SLC49A3: variants seen among roughly 807,000 people sequenced by gnomAD.
SLC49A3 encodes solute carrier family 49 member A3.
A neutral mutation model predicts 43.8 loss-of-function variants in SLC49A3; 50 were observed. The ratio of observed to expected loss-of-function variants is 1.14; its 90% CI spans 0.91 to 1.45. The LOEUF is 1.45. Among genes scored for constraint, SLC49A3 ranks in the 40% most tolerant of loss-of-function variants. SLC49A3 has a pLI of 0.00. For synonymous variants in SLC49A3, 413 were observed against 352.0 expected, an observed-to-expected ratio of 1.17 and a Z score of -1.94; for missense variants, 906 against 774.1, an observed-to-expected ratio of 1.17 and a Z score of -2.02.
Position 682,809 on chromosome 4 carries a change from C to T in SLC49A3, c.1233G>A (p.Gln411=), listed in dbSNP as rs1740065597. 6.3e-7 allele frequency: 1 copy of T among 1,599,996 alleles called. No homozygotes were observed. Among genetic ancestry groups the T allele is most frequent in the Non-Finnish European group, 8.5e-7 (1 of 1,171,548 alleles). The change falls in exon 9 of 10, where the codon CAG becomes CAA. Residue 411 remains glutamine, a synonymous_variant. Transcript: ENST00000322224. ...RRSEPSLSTC[Q]QGEDPLDWTV... is the part of the protein sequence containing the mutation. The stretch of plus-strand genomic sequence containing the variant: ...TCCAGTCAAGTGGATCCTCCCCCTG[C>T]TGGCAGGTGGACAAGGACGGCTCCG...
downstream of SLC49A3, among the ~76,000 whole-genome samples, chr4:681,496 C>T (rs886503432): frequency 4.7e-5 from 7 of 150,272 alleles, no homozygotes; most frequent in Non-Finnish European, 1.0e-4. Flanking sequence ...CCGGGCCACC[C>T]CTCAGGACCC....
At chr4:683,785 G>A (rs1011785031) in intron 6 of SLC49A3, 24 bp from the exon 7 acceptor site, 3 of 1,545,312 alleles carry the variant, frequency 1.9e-6, no homozygotes, top group African/African-American at 2.7e-5. Flanking sequence ...GAAGAGGCCA[G>A]GGCCCCAAGA....
chr4:686,873 C>G (rs1317079975), intron 1 of SLC49A3, among the ~76,000 whole-genome samples, 183 bp from the exon 2 acceptor site: 1 of 152,200 alleles, frequency 6.6e-6, no homozygotes, highest in African/African-American at 2.4e-5. Flanking sequence ...AGGGCGGGCA[C>G]CCAGCGCAGG....
In SLC49A3 at chr4:682,182, T is replaced by G. The variant is rs1245310670; in HGVS notation, c.1456A>C (p.Thr486Pro). 1 of 1,358,510 alleles carries G rather than the reference T, an allele frequency of 7.4e-7. No individual in the cohort carries two copies. The highest frequency in any genetic ancestry group is 3.2e-5 in the Admixed American group (1 of 31,320). The allele number at this position is 1,358,510 out of a possible 1,614,324, so 84.2% of individuals were successfully genotyped here. ...AGRAGVLGPS[T>P]ATPECTARGA... ...CTCGCCGTGCACTCCGGAGTCGCCG[T>G]GCTGGGCCCCAGGACCCCAGCCCTT... is the stretch of plus-strand genomic sequence containing the variant. Residue 486 changes from threonine (T) to proline (P), a missense_variant, in exon 10 of 10, where the codon ACG becomes CCG. Coordinates refer to ENST00000322224, the MANE Select transcript of SLC49A3 (RefSeq NM_032219.4).
downstream of SLC49A3, chr4:680,538 G>T: frequency 6.2e-7 from 1 of 1,613,564 alleles, no homozygotes; most frequent in Non-Finnish European, 8.5e-7. Context: ...CATTCTTAAC[G>T]CCTTCAAGAT....
In SLC49A3 at chr4:683,830, A is replaced by G. The variant is rs567663127; in HGVS notation, c.841-69T>C. 1,187 of 1,505,924 alleles carry G rather than the reference A, an allele frequency of 7.9e-4. 2 individuals are homozygous for G. The highest frequency in any genetic ancestry group is 9.8e-4 in the Non-Finnish European group (1,101 of 1,125,352). The allele number at this position is 1,505,924 out of a possible 1,614,324, so 93.3% of individuals were successfully genotyped here. ...TATCCTAGGTGCATGCCGTCAGGGC[A>G]GGGGGCTCAGTGTAGGGCCGTGTGC... On this transcript the variant is annotated intron_variant, in intron 6 of 9. Coordinates refer to ENST00000322224, the MANE Select transcript of SLC49A3 (RefSeq NM_032219.4).
chr4:683,936 T>A (rs1407593429), intron 6 of SLC49A3, among the ~76,000 whole-genome samples, 175 bp from the exon 7 acceptor site: 1 of 151,730 alleles, frequency 6.6e-6, no homozygotes, highest in Non-Finnish European at 1.5e-5. Flanking sequence ...CTGCCTTGTG[T>A]TTCCCACCCC....
At position 685,020 on chromosome 4, in the gene SLC49A3, G is replaced by A. The variant is rs1232352582; in HGVS notation, c.586-164C>T. 2 of 972,962 alleles carry A rather than the reference G, an allele frequency of 2.1e-6. No individual in the cohort carries two copies. Among genetic ancestry groups the A allele is most frequent in the East Asian group, 2.8e-5 (1 of 35,774 alleles). 60.3% of individuals were successfully genotyped at this position (972,962 alleles called of 1,614,324 possible). A position where few individuals can be genotyped will look rare whatever the true frequency, so the allele number is the denominator to read the frequency against. ...CCCTTTGCGAGGCCCAGGCTGGGAG[G>A]GGCCTGCTCCAGGGGCTCATGGGGA... On this transcript the variant is annotated intron_variant, in intron 4 of 9. Coordinates refer to ENST00000322224, the MANE Select transcript of SLC49A3 (RefSeq NM_032219.4). This position sits in a 1 kb window ranked among gnomAD's most constrained non-coding sequence, Gnocchi z 4.3.
rs200030801 is a variant in SLC49A3, at chr4:682,101, G to C, written c.1537C>G (p.Arg513Gly). The C allele has an allele frequency of 1.5e-6, 2 of 1,375,660 alleles. No individual in the cohort carries two copies. The highest frequency in any genetic ancestry group is 1.9e-6 in the Non-Finnish European group (2 of 1,053,218). 85.2% of individuals were successfully genotyped at this position (1,375,660 alleles called of 1,614,324 possible). Residue 513 changes from arginine (R) to glycine (G), a missense_variant, in exon 10 of 10, where the codon CGA becomes GGA. Transcript: ENST00000322224. The part of the protein sequence containing the change: ...GPGSPHPACH[R>G]ATPRAQGPAA... Reference sequence around the variant, plus strand: ...GGGCCTTGCGCACGGGGAGTCGCTCGGTGGCAGGCTGGGTGGGGGCTCCCG... The same window carrying C: ...GGGCCTTGCGCACGGGGAGTCGCTCCGTGGCAGGCTGGGTGGGGGCTCCCG...
At chr4:691,495 T>C (rs953561134), upstream of SLC49A3, among the ~76,000 whole-genome samples, 2 of 142,770 alleles carry the variant, frequency 1.4e-5, no homozygotes, top group African/African-American at 5.3e-5. Flanking sequence ...CAGGAGGCTA[T>C]ATAAGGTGGG....
chr4:678,134 T>C, downstream of SLC49A3: 3 of 1,560,064 alleles, frequency 1.9e-6, no homozygotes, highest in South Asian at 3.5e-5. Flanking sequence ...TGCTTGCGTG[T>C]GAATGCAGGT....
chr4:682,082 T>A lies in SLC49A3; in HGVS notation c.1556A>T (p.Gln519Leu). Residue 519 changes from glutamine to leucine, a missense_variant, in exon 10 of 10, where the codon CAA becomes CTA. Coordinates refer to ENST00000322224, the MANE Select transcript of SLC49A3 (RefSeq NM_032219.4). ...PACHRATPRA[Q>L]GPAATDAPSR... The stretch of plus-strand genomic sequence containing the variant: ...GGGCGCGTCGGTGGCTGCTGGGCCT[T>A]GCGCACGGGGAGTCGCTCGGTGGCA... 2.1e-6 allele frequency: 3 copies of A among 1,401,204 alleles called. No individual in the cohort carries two copies. The highest frequency in any genetic ancestry group is 2.8e-6 in the Non-Finnish European group (3 of 1,066,290). The allele number at this position is 1,401,204 out of a possible 1,614,324, so 86.8% of individuals were successfully genotyped here.
Position 682,740 on chromosome 4 carries a change from C to T in SLC49A3, c.1261+41G>A, listed in dbSNP as rs774262397. ...TCCCAGGGAATCTTCACATGGGGCT[C>T]ACCTGTCCTGTTCCCTGGGGACTCC... On this transcript the variant is annotated intron_variant, in intron 9 of 9. Transcript: ENST00000322224. 1.1e-5 allele frequency: 16 copies of T among 1,465,204 alleles called. No homozygotes were observed. In the Admixed American group the frequency reaches 1.4e-4, roughly 13 times the overall value. 90.8% of individuals were successfully genotyped at this position (1,465,204 alleles called of 1,614,324 possible).
chr4:682,664 C>G, intron 9 of SLC49A3, 117 bp downstream of exon 9: 2 of 800,326 alleles, frequency 2.5e-6, no homozygotes, highest in East Asian at 3.0e-5. Context: ...CTGCGTGGTG[C>G]TCACCTGTCC....
At chr4:678,315 G>C, downstream of SLC49A3, 1 of 1,428,304 alleles carries the variant, frequency 7.0e-7, no homozygotes, top group Non-Finnish European at 9.2e-7. Context: ...CAAAATCCCG[G>C]TACCCAGAAC....
downstream of SLC49A3, among the ~76,000 whole-genome samples, chr4:681,512 C>T (rs1251489162): frequency 2.0e-5 from 3 of 150,098 alleles, no homozygotes; most frequent in South Asian, 2.1e-4. Context: ...GACCCCCGCA[C>T]CTCCCCCAGA....
chr4:688,815 C>T, intron 1 of SLC49A3, 178 bp downstream of exon 1: 1 of 1,064,148 alleles, frequency 9.4e-7, no homozygotes, highest in Non-Finnish European at 1.3e-6. Flanking sequence ...GCCCTGGGCC[C>T]AGCCACCTCC....
downstream of SLC49A3, chr4:679,156 C>T (rs774287651): frequency 2.7e-5 from 18 of 673,408 alleles, no homozygotes; most frequent in Admixed American, 2.7e-4. Context: ...GGCCCACCAA[C>T]GGCCCTGAAG....
In SLC49A3 at chr4:685,528, A is replaced by G. The variant is rs1200869545; in HGVS notation, c.585+307T>C. Reference sequence around the variant, plus strand: ...GCCTGGCCAACATGGTGAAACCCCAACTCTACCAAAAATACAAAAAAAAAA... The same window carrying G: ...GCCTGGCCAACATGGTGAAACCCCAGCTCTACCAAAAATACAAAAAAAAAA... On this transcript the variant is annotated intron_variant, in intron 4 of 9. Transcript: ENST00000322224. This position sits in a 1 kb window ranked among gnomAD's most constrained non-coding sequence, Gnocchi z 4.3. Among the ~76,000 whole-genome samples, 1 of 150,006 alleles carries G rather than the reference A, an allele frequency of 6.7e-6. No individual in the cohort carries two copies. Among genetic ancestry groups the G allele is most frequent in the African/African-American group, 2.5e-5 (1 of 40,628 alleles).
Sources: allele counts gnomAD v4.1 joint callset (sites outside exome capture counted in the v4.1 genomes callset), GRCh38; gene constraint gnomAD v4.1.1; non-coding constraint Gnocchi (gnomAD v3.1); transcripts MANE v1.5; gene names NCBI Gene and HGNC (gene_info 2026-07-23, HGNC 2026-07-21).